The following ERAP1 variants were observed in gnomAD, a reference collection of about 807,000 sequenced individuals.
ERAP1 encodes the protein adipocyte-derived leucine aminopeptidase.
ERAP1 carries 86 observed loss-of-function variants against 103.7 expected under a neutral mutation model. The observed-to-expected ratio is 0.83, with a 90% CI of 0.70 to 0.99. The LOEUF (loss-of-function observed/expected upper bound fraction) is 0.99. Among genes scored for constraint, ERAP1 ranks in the 50% least tolerant of loss-of-function variants. ERAP1 has a pLI of 0.00. For missense variants in ERAP1, 1,009 were observed against 1,128.4 expected (o/e 0.89, Z 1.52); for synonymous variants, 398 against 402.4 (o/e 0.99, Z 0.13).
At chr5:96,892,466 C>A in the ERAP1 span, 15 of 1,613,324 alleles carry the variant, frequency 9.3e-6, no homozygotes, top group African/African-American at 1.9e-4. Context: ...ACTTGGCACT[C>A]ATGACATTAT....
intron 4 of ERAP1, among the ~76,000 whole-genome samples, chr5:96,795,489 C>A (rs976667740): frequency 6.6e-6 from 1 of 152,158 alleles, no homozygotes; most frequent in Non-Finnish European, 1.5e-5. Flanking sequence ...CAGCTTTAAC[C>A]CTGCCGGCAC....
upstream of ERAP1, chr5:96,808,271 T>G (rs1778920942): frequency 3.4e-6 from 3 of 869,712 alleles, no homozygotes; most frequent in Non-Finnish European, 1.4e-6. Context: ...TTGAGATGCT[T>G]TTTGTTTTTG....
chr5:96,830,136 GAGCCTATGGGACTGC>G, the ERAP1 span, among the ~76,000 whole-genome samples: 14 of 152,316 alleles, frequency 9.2e-5, no homozygotes, highest in Non-Finnish European at 2.1e-4. Flanking sequence ...TGTGAGATGA[GAGCCTATGGGACTGC>G]ATCCCAGCTG....
the ERAP1 span, chr5:96,873,164 G>C: frequency 2.8e-6 from 1 of 358,622 alleles, no homozygotes; most frequent in African/African-American, 2.1e-5. Context: ...ACTCCAGCCT[G>C]GGTGACAGAG....
chr5:96,814,467 G>A, the ERAP1 span, among the ~76,000 whole-genome samples: 1 of 152,138 alleles, frequency 6.6e-6, no homozygotes, highest in African/African-American at 2.4e-5. Flanking sequence ...TTGAGGCAGG[G>A]AAGGAGACAT....
At chr5:96,850,728 C>T in the ERAP1 span, among the ~76,000 whole-genome samples, 2 of 151,978 alleles carry the variant, frequency 1.3e-5, no homozygotes, top group African/African-American at 4.8e-5. Context: ...TCACATTATA[C>T]CCCATAAATA....
the ERAP1 span, among the ~76,000 whole-genome samples, chr5:96,873,133 G>A: frequency 1.3e-4 from 19 of 151,982 alleles, no homozygotes; most frequent in African/African-American, 4.6e-4. Context: ...AGGTTGCAGT[G>A]AGCAGAGATT....
chr5:96,873,218 C>T, the ERAP1 span: 2 of 387,354 alleles, frequency 5.2e-6, no homozygotes, highest in African/African-American at 2.1e-5. Flanking sequence ...TTCGTGAAAT[C>T]TTTAAAATAT....
intron 1 of ERAP1, chr5:96,804,290 G>A (rs986138796): frequency 2.3e-5 from 8 of 346,012 alleles, no homozygotes; most frequent in African/African-American, 4.3e-5. Context: ...CTCACTACAC[G>A]GGTCACAGAG....
rs373383275 is a variant in ERAP1 at position 96,793,855 on chromosome 5, G to A, written c.1022C>T (p.Ala341Val). ...CATTGTGATGCCAAGCTTACTTGATGCAGAAGACTTTTCTGCATCAAACAA... is the reference window on the plus strand; with the variant it reads ...CATTGTGATGCCAAGCTTACTTGATACAGAAGACTTTTCTGCATCAAACAA... ...ALLFDAEKSSASSKLGITMTV... is the reference protein window; with the variant it reads ...ALLFDAEKSSVSSKLGITMTV... Residue 341 changes from alanine to valine, a missense_variant, in exon 6 of 19, where the codon GCA (alanine) becomes GTA (valine). By Grantham distance (64) the Ala-to-Val change is moderately conservative. Transcript: ENST00000443439. The A allele has an allele frequency of 6.2e-7, 1 of 1,614,020 alleles. No homozygotes were observed. Among genetic ancestry groups the A allele is most frequent in the Non-Finnish European group, 8.5e-7 (1 of 1,179,994 alleles).
chr5:96,836,380 T>G, the ERAP1 span, among the ~76,000 whole-genome samples: 1 of 152,002 alleles, frequency 6.6e-6, no homozygotes, highest in Non-Finnish European at 1.5e-5. Flanking sequence ...TTTTGTATTT[T>G]TAGTAGAGAC....
intron 7 of ERAP1, among the ~76,000 whole-genome samples, chr5:96,793,015 T>C (rs1452631190): frequency 6.6e-6 from 1 of 152,190 alleles, no homozygotes; most frequent in Non-Finnish European, 1.5e-5. Flanking sequence ...ACCTTAAGTA[T>C]AACTCATTTG....
the ERAP1 span, among the ~76,000 whole-genome samples, chr5:96,855,059 A>G: frequency 6.6e-6 from 1 of 152,208 alleles, no homozygotes; most frequent in Non-Finnish European, 1.5e-5. Flanking sequence ...GTCTTAATAT[A>G]TTATGAAGTT....
At chr5:96,788,467 G>T in intron 11 of ERAP1, 64 bp downstream of exon 11, 1 of 1,585,364 alleles carries the variant, frequency 6.3e-7, no homozygotes, top group Non-Finnish European at 8.6e-7. Context: ...TCAAAAGCAA[G>T]GTTCCATCCT....
the ERAP1 span, among the ~76,000 whole-genome samples, chr5:96,833,478 A>G: frequency 6.6e-6 from 1 of 152,264 alleles, no homozygotes; most frequent in Non-Finnish European, 1.5e-5. Context: ...CAAGATAAAA[A>G]TGAACTATTT....
At chr5:96,864,243 T>TA in the ERAP1 span, among the ~76,000 whole-genome samples, 1 of 152,210 alleles carries the variant, frequency 6.6e-6, no homozygotes, top group Non-Finnish European at 1.5e-5. Flanking sequence ...ATTTGACACT[T>TA]ACCTCCCAAA....
intron 13 of ERAP1, among the ~76,000 whole-genome samples, chr5:96,784,375 A>G (rs537056627): frequency 2.4e-4 from 37 of 152,226 alleles, no homozygotes; most frequent in African/African-American, 8.4e-4. Flanking sequence ...GGTACTTGGT[A>G]TGTGGGAGGC....
At chr5:96,784,223 G>C (rs528956153) in intron 13 of ERAP1, 143 bp from the exon 14 acceptor site, 3 of 854,366 alleles carry the variant, frequency 3.5e-6, no homozygotes, top group Non-Finnish European at 5.6e-6. Context: ...GGCCGGGCGC[G>C]GTGGCTCATG....
At chr5:96,864,400 T>C in the ERAP1 span, among the ~76,000 whole-genome samples, 269 of 152,336 alleles carry the variant, frequency 1.8e-3, 1 homozygote, top group Non-Finnish European at 3.3e-3. Context: ...CTCAATGTTT[T>C]GAAGATTTTA....
Sources: gnomAD v4.1 joint callset for allele counts (sites outside exome capture counted in the v4.1 genomes callset) on GRCh38, gnomAD v4.1.1 for gene constraint, MANE v1.5 for transcripts, NCBI Gene and HGNC (gene_info 2026-07-23, HGNC 2026-07-21) for gene names.